The following RBMS3 variants were observed in gnomAD, a reference collection of about 807,000 sequenced individuals.
RBMS3 encodes the protein RNA-binding motif, single-stranded-interacting protein 3.
RBMS3 carries 27 observed loss-of-function variants against 66.8 expected under a neutral mutation model. The observed-to-expected ratio is 0.40, with a 90% CI of 0.30 to 0.56. RBMS3 has a LOEUF of 0.56. Ranked by LOEUF, RBMS3 falls within the 20% of genes least tolerant of loss-of-function variation. The probability of loss-of-function intolerance (pLI) is 0.40; values close to 1 mark genes in which losing one functional copy is unlikely to be tolerated. For synonymous variants in RBMS3, 188 were observed against 183.0 expected, an observed-to-expected ratio of 1.03 and a Z score of -0.22; for missense variants, 513 against 549.5, an observed-to-expected ratio of 0.93 and a Z score of 0.66.
chr3:29,610,644 A>T (rs2048462017), intron 4 of RBMS3, among the ~76,000 whole-genome samples: 1 of 152,082 alleles, frequency 6.6e-6, no homozygotes, highest in African/African-American at 2.4e-5. Context: ...GAAATAATAG[A>T]TACCAACAGA....
chr3:29,992,353 G>A (rs1457003874), intron 14 of RBMS3, among the ~76,000 whole-genome samples: 3 of 152,262 alleles, frequency 2.0e-5, no homozygotes, highest in Middle Eastern at 3.4e-3. Context: ...ATGGGAGGCC[G>A]AGGCGGGCGG....
At chr3:29,654,833 AG>A (rs2050271908) in intron 4 of RBMS3, among the ~76,000 whole-genome samples, 1 of 151,542 alleles carries the variant, frequency 6.6e-6, no homozygotes, top group Non-Finnish European at 1.5e-5. Context: ...CCTGGGCTCA[AG>A]CAATCTGCTC....
intron 4 of RBMS3, among the ~76,000 whole-genome samples, chr3:29,721,910 T>A (rs2053658526): frequency 6.6e-6 from 1 of 152,160 alleles, no homozygotes; most frequent in South Asian, 2.1e-4. Flanking sequence ...AAATATTGCC[T>A]AAAACCTTTA....
intron 6 of RBMS3, among the ~76,000 whole-genome samples, chr3:29,815,288 A>C (rs575084956): frequency 6.6e-6 from 1 of 152,190 alleles, no homozygotes. Context: ...AAAACCTTAG[A>C]TATCACCCAT....
At chr3:29,502,746 A>G (rs1360318195) in intron 3 of RBMS3, among the ~76,000 whole-genome samples, 1 of 152,130 alleles carries the variant, frequency 6.6e-6, no homozygotes, top group Non-Finnish European at 1.5e-5. Flanking sequence ...CTAGCTTTCT[A>G]TCTAGGTTAA....
At chr3:29,501,045 T>C (rs183891660) in intron 3 of RBMS3, among the ~76,000 whole-genome samples, 324 of 152,320 alleles carry the variant, frequency 2.1e-3, no homozygotes, top group African/African-American at 7.6e-3. Flanking sequence ...CGAAAAGTCC[T>C]GGGGAAGTTG....
At chr3:29,629,878 A>G (rs2049220822) in intron 4 of RBMS3, among the ~76,000 whole-genome samples, 1 of 152,092 alleles carries the variant, frequency 6.6e-6, no homozygotes, top group Non-Finnish European at 1.5e-5. Context: ...CTTCCAGTAC[A>G]AATCTTGAAA....
At chr3:29,847,433 G>C (rs1174311219) in intron 6 of RBMS3, among the ~76,000 whole-genome samples, 1 of 152,110 alleles carries the variant, frequency 6.6e-6, no homozygotes, top group African/African-American at 2.4e-5. Context: ...GCAGCTAAAG[G>C]CCTGTTATTA....
chr3:29,556,209 G>A (rs1286351837), intron 3 of RBMS3: 1 of 152,094 alleles, frequency 6.6e-6, no homozygotes, highest in Non-Finnish European at 1.5e-5. Flanking sequence ...TCTAATTAAT[G>A]TAACTTTATT....
intron 7 of RBMS3, among the ~76,000 whole-genome samples, chr3:29,875,056 A>G (rs2059579701): frequency 6.6e-6 from 1 of 152,178 alleles, no homozygotes; most frequent in African/African-American, 2.4e-5. Context: ...AGTAATTACA[A>G]GTGGAAAAGT....
intron 2 of RBMS3, among the ~76,000 whole-genome samples, chr3:29,442,146 A>G (rs2041649582): frequency 6.6e-6 from 1 of 152,204 alleles, no homozygotes; most frequent in South Asian, 2.1e-4. Context: ...TTTGCATTTA[A>G]TTGATGATTA....
At chr3:29,547,651 C>A (rs1486168430) in intron 3 of RBMS3, among the ~76,000 whole-genome samples, 2 of 151,996 alleles carry the variant, frequency 1.3e-5, no homozygotes, top group Non-Finnish European at 2.9e-5. Context: ...AATAGCTAAA[C>A]AGACTCCAAA....
intron 2 of RBMS3, among the ~76,000 whole-genome samples, chr3:29,459,128 G>A (rs114311005): frequency 1.2e-3 from 183 of 152,246 alleles, no homozygotes; most frequent in African/African-American, 4.3e-3. Flanking sequence ...CTGGACAACT[G>A]TGTTATTACC....
chr3:29,636,345 G>A (rs1393037129), intron 4 of RBMS3, among the ~76,000 whole-genome samples: 4 of 151,818 alleles, frequency 2.6e-5, no homozygotes, highest in African/African-American at 9.7e-5. Context: ...TTAATAACTT[G>A]AGAACTGTCA....
intron 4 of RBMS3, among the ~76,000 whole-genome samples, chr3:29,621,668 G>A (rs979736761): frequency 6.6e-6 from 1 of 152,058 alleles, no homozygotes; most frequent in Non-Finnish European, 1.5e-5. Flanking sequence ...AAAATAAAAT[G>A]CCTACAAATA....
intron 4 of RBMS3, among the ~76,000 whole-genome samples, chr3:29,647,167 T>TG (rs1285825213): frequency 2.0e-5 from 3 of 152,080 alleles, no homozygotes; most frequent in Non-Finnish European, 2.9e-5. Flanking sequence ...TTAGTAGAGA[T>TG]GGGGTTTCAC....
At chr3:29,898,561 T>A (rs376621781) in intron 9 of RBMS3, among the ~76,000 whole-genome samples, 1 of 151,690 alleles carries the variant, frequency 6.6e-6, no homozygotes, top group Admixed American at 6.6e-5. Context: ...TTCTTTCTTT[T>A]TCTGCACTCA....
At chr3:29,346,088 A>C (rs565380014) in intron 1 of RBMS3, among the ~76,000 whole-genome samples, 13 of 152,332 alleles carry the variant, frequency 8.5e-5, no homozygotes, top group Admixed American at 3.3e-4. Context: ...GCGTGCAGCC[A>C]CGTTCAAGAA....
chr3:29,490,700 G>A (rs149900226), intron 3 of RBMS3, among the ~76,000 whole-genome samples: 37 of 152,170 alleles, frequency 2.4e-4, no homozygotes, highest in Non-Finnish European at 4.9e-4. Flanking sequence ...GAAATGGAGT[G>A]GAGTGAATTA....
Sources: gnomAD v4.1 joint callset for allele counts (sites outside exome capture counted in the v4.1 genomes callset) on GRCh38, gnomAD v4.1.1 for gene constraint, MANE v1.5 for transcripts, NCBI Gene and HGNC (gene_info 2026-07-23, HGNC 2026-07-21) for gene names.